Variants in DAB1 observed in about 807,000 individuals in gnomAD.
DAB1 encodes DAB adaptor protein 1, also known as disabled homolog 1.
A neutral mutation model predicts 64.6 loss-of-function variants in DAB1; 15 were observed. The ratio of observed to expected loss-of-function variants is 0.23; its 90% CI spans 0.16 to 0.36. DAB1 has a LOEUF of 0.36. Among genes scored for constraint, DAB1 ranks in the 10% least tolerant of loss-of-function variants. DAB1 has a pLI of 1.00. For synonymous variants in DAB1, 235 were observed against 251.9 expected, an observed-to-expected ratio of 0.93 and a Z score of 0.64; for missense variants, 596 against 706.7, an observed-to-expected ratio of 0.84 and a Z score of 1.78.
chr1:58,241,341 A>G (rs113482159), intron 4 of DAB1, among the ~76,000 whole-genome samples: 2 of 135,976 alleles, frequency 1.5e-5, no homozygotes, highest in Admixed American at 1.4e-4. Context: ...CAAACAAATC[A>G]TTTCCTACAA....
intron 12 of DAB1, among the ~76,000 whole-genome samples, chr1:57,014,337 C>A (rs1570498017): frequency 1.3e-5 from 2 of 152,194 alleles, no homozygotes; most frequent in Non-Finnish European, 1.5e-5. Flanking sequence ...CTATTTAAGA[C>A]CTTATGGCTG....
At chr1:57,553,698 C>A (rs980431982) in intron 7 of DAB1, among the ~76,000 whole-genome samples, 1 of 151,986 alleles carries the variant, frequency 6.6e-6, no homozygotes, top group South Asian at 2.1e-4. Flanking sequence ...AAAAAAAGGG[C>A]CAATGTTGTC....
rs529032393 is a variant in DAB1 at position 57,666,094 on chromosome 1, GA to G, written n.552-16430del. Among the ~76,000 whole-genome samples the G allele has an allele frequency of 2.5e-4, 38 of 152,114 alleles. No homozygotes were observed. In the South Asian group the frequency reaches 4.4e-3, roughly 17 times the overall value. On this transcript the variant is annotated intron_variant and non_coding_transcript_variant, in intron 6 of 20. Coordinates refer to the DAB1 transcript ENST00000485760. Reference sequence around the variant, plus strand: ...GTCTAAGTTAAAAAAGTTGCTAGAGGAAAAACAAAGCAATAGAAGTTAGAGG... The same window carrying G: ...GTCTAAGTTAAAAAAGTTGCTAGAGGAAAACAAAGCAATAGAAGTTAGAGG...
At chr1:58,173,142 C>A (rs867107497) in intron 4 of DAB1, among the ~76,000 whole-genome samples, 97 of 152,358 alleles carry the variant, frequency 6.4e-4, no homozygotes, top group African/African-American at 2.3e-3. Context: ...TATGGAACAA[C>A]CCTCTCCAAG....
intron 2 of DAB1, among the ~76,000 whole-genome samples, chr1:57,274,790 C>T (rs1671323886): frequency 6.6e-6 from 1 of 152,052 alleles, no homozygotes. Context: ...CCATGTTGGC[C>T]AGGCTGGTCT....
chr1:58,231,167 T>C (rs1434256706), intron 4 of DAB1, among the ~76,000 whole-genome samples: 1 of 152,158 alleles, frequency 6.6e-6, no homozygotes, highest in Non-Finnish European at 1.5e-5. Flanking sequence ...TTATTGTATA[T>C]ATGAGGAAAC....
At chr1:58,265,136 C>A (rs1290982671) in intron 4 of DAB1, among the ~76,000 whole-genome samples, 1 of 152,148 alleles carries the variant, frequency 6.6e-6, no homozygotes, top group African/African-American at 2.4e-5. Flanking sequence ...GGGCACTTTA[C>A]ACACAATATT....
At chr1:58,247,483 A>G (rs1284601232) in intron 4 of DAB1, among the ~76,000 whole-genome samples, 1 of 152,160 alleles carries the variant, frequency 6.6e-6, no homozygotes, top group East Asian at 1.9e-4. Context: ...CCCAGCACCA[A>G]CAGCACACCA....
chr1:57,555,296 G>A (rs1160353693), intron 7 of DAB1, among the ~76,000 whole-genome samples: 1 of 151,556 alleles, frequency 6.6e-6, no homozygotes, highest in Non-Finnish European at 1.5e-5. Context: ...GCCTCCCAAA[G>A]TACTGGGATT....
chr1:58,426,161 G>A (rs1193614870), intron 3 of DAB1, among the ~76,000 whole-genome samples: 1 of 152,160 alleles, frequency 6.6e-6, no homozygotes, highest in Non-Finnish European at 1.5e-5. Flanking sequence ...ATAAAACTGA[G>A]GCCTAGAAAA....
rs665854 is a variant in DAB1 at position 58,277,242 on chromosome 1, G to A, written n.309+66110C>T. 7.9e-3 allele frequency among the ~76,000 whole-genome samples: 1,205 copies of A among 151,970 alleles called. 20 individuals are homozygous for A. The highest frequency in any genetic ancestry group is 0.028 in the African/African-American group (1,140 of 41,448). ...TTTAATAGAGACGGGGTTTCACCAT[G>A]TTGGCCACGCTGGTCTCAAACTCCT... On this transcript the variant is annotated intron_variant and non_coding_transcript_variant, in intron 4 of 20. Coordinates refer to the DAB1 transcript ENST00000485760.
intron 6 of DAB1, among the ~76,000 whole-genome samples, chr1:57,689,486 G>A (rs2101710707): frequency 6.6e-6 from 1 of 152,310 alleles, no homozygotes; most frequent in East Asian, 1.9e-4. Context: ...TGATGCTGAA[G>A]TCTTCCCTCT....
At chr1:57,761,346 C>T (rs1195841554) in intron 6 of DAB1, among the ~76,000 whole-genome samples, 1 of 152,136 alleles carries the variant, frequency 6.6e-6, no homozygotes, top group African/African-American at 2.4e-5. Context: ...TTATTTTAAT[C>T]TATTTTGTAT....
chr1:57,247,833 T>TGCAG (rs1669003740), intron 2 of DAB1, among the ~76,000 whole-genome samples: 6 of 152,210 alleles, frequency 3.9e-5, no homozygotes, highest in Admixed American at 3.9e-4. Context: ...TTGGCTGGAA[T>TGCAG]GCAGACCAGC....
At chr1:57,106,811 C>T (rs1270062579) in intron 4 of DAB1, among the ~76,000 whole-genome samples, 4 of 152,106 alleles carry the variant, frequency 2.6e-5, no homozygotes, top group Non-Finnish European at 4.4e-5. Context: ...ATACCCTGTG[C>T]TTGCCCTCAA....
chr1:58,499,130 T>A (rs111429936), intron 3 of DAB1, among the ~76,000 whole-genome samples: 3 of 151,846 alleles, frequency 2.0e-5, no homozygotes, highest in African/African-American at 7.2e-5. Flanking sequence ...ATAAGCCAGG[T>A]ACAGAAAGAA....
intron 5 of DAB1, among the ~76,000 whole-genome samples, chr1:58,092,706 G>A (rs974941222): frequency 1.3e-5 from 2 of 152,096 alleles, no homozygotes; most frequent in Admixed American, 6.6e-5. Flanking sequence ...TTGAATATAC[G>A]TCTAAGTAGA....
intron 4 of DAB1, among the ~76,000 whole-genome samples, chr1:58,331,649 C>T (rs1283378482): frequency 6.6e-6 from 1 of 152,220 alleles, no homozygotes; most frequent in Non-Finnish European, 1.5e-5. Flanking sequence ...AAGCAAGACC[C>T]TCCACTAGCA....
At chr1:57,059,465 C>T (rs1255327059) in intron 9 of DAB1, among the ~76,000 whole-genome samples, 1 of 152,130 alleles carries the variant, frequency 6.6e-6, no homozygotes, top group South Asian at 2.1e-4. Flanking sequence ...GCTTAACATA[C>T]ACTAATTGAG....
Sources: gnomAD v4.1 joint callset for allele counts (sites outside exome capture counted in the v4.1 genomes callset) on GRCh38, gnomAD v4.1.1 for gene constraint, MANE v1.5 for transcripts, NCBI Gene and HGNC (gene_info 2026-07-23, HGNC 2026-07-21) for gene names.